Variants in OPCML observed in about 807,000 individuals in gnomAD.
OPCML encodes opioid binding protein/cell adhesion molecule like.
OPCML carries 13 observed loss-of-function variants against 37.8 expected under a neutral mutation model. That is an observed-to-expected ratio of 0.34 (90% confidence interval 0.22 to 0.55). The LOEUF (loss-of-function observed/expected upper bound fraction) is 0.55, where lower values mean the gene tolerates loss of function less well. Among genes scored for constraint, OPCML ranks in the 20% least tolerant of loss-of-function variants. OPCML has a pLI of 0.91. For synonymous variants in OPCML, 176 were observed against 168.8 expected, an observed-to-expected ratio of 1.04 and a Z score of -0.33; for missense variants, 341 against 435.6, an observed-to-expected ratio of 0.78 and a Z score of 1.93.
At chr11:132,764,913 G>C (rs989204910) in intron 2 of OPCML, among the ~76,000 whole-genome samples, 6 of 152,228 alleles carry the variant, frequency 3.9e-5, no homozygotes, top group African/African-American at 1.4e-4. Flanking sequence ...TGCTCTACCA[G>C]GGCTTGTGCA....
chr11:133,003,605 TG>T, intron 1 of OPCML: 1 of 971,272 alleles, frequency 1.0e-6, no homozygotes, highest in African/African-American at 1.8e-5. Flanking sequence ...GGATATTGGC[TG>T]GAGAGTACTT....
At chr11:133,122,583 T>C (rs1949438813) in intron 1 of OPCML, among the ~76,000 whole-genome samples, 1 of 152,156 alleles carries the variant, frequency 6.6e-6, no homozygotes, top group South Asian at 2.1e-4. Flanking sequence ...TGGTTCTTCA[T>C]GAGGAGCGGA....
rs1315280476 is a variant in OPCML, at chr11:132,529,205, GAAGA to G, written c.380-23_380-20del. The G allele has an allele frequency of 6.3e-7, 1 of 1,595,400 alleles. No homozygotes were observed. The highest frequency in any genetic ancestry group is 2.3e-5 in the East Asian group (1 of 44,326). ...GGAGGAACTGTAAGGAAACAGGATA[GAAGA>G]AATACCTGAGAATAATTCTTTGCAC... On this transcript the variant is annotated intron_variant, in intron 3 of 7. Transcript: ENST00000524381.
At chr11:132,579,416 T>TGTGA (rs980583628) in intron 3 of OPCML, among the ~76,000 whole-genome samples, 7 of 148,634 alleles carry the variant, frequency 4.7e-5, no homozygotes, top group African/African-American at 1.2e-4. Context: ...TGTGTGTGTG[T>TGTGA]GATGAGGGAG....
intron 1 of OPCML, among the ~76,000 whole-genome samples, chr11:133,514,631 C>G (rs1404536430): frequency 5.9e-5 from 9 of 152,134 alleles, no homozygotes; most frequent in Non-Finnish European, 1.3e-4. Context: ...TAGGAGACTC[C>G]TTTCTTTTCA....
At chr11:133,168,384 A>G (rs1473112750) in intron 1 of OPCML, among the ~76,000 whole-genome samples, 1 of 152,146 alleles carries the variant, frequency 6.6e-6, no homozygotes, top group Non-Finnish European at 1.5e-5. Context: ...TGATTATGCC[A>G]ATATGGTCCT....
At chr11:133,519,959 G>A (rs1001213172) in intron 1 of OPCML, among the ~76,000 whole-genome samples, 4 of 152,246 alleles carry the variant, frequency 2.6e-5, no homozygotes, top group Middle Eastern at 3.4e-3. Context: ...AAAGCTAGAC[G>A]GTGCCACCTT....
intron 1 of OPCML, among the ~76,000 whole-genome samples, chr11:133,515,337 GGCATTTGGCTGTGTCT>G (rs1948242964): frequency 6.6e-6 from 1 of 152,188 alleles, no homozygotes; most frequent in Admixed American, 6.5e-5. Flanking sequence ...CTCCCCAGGG[GGCATTTGGCTGTGTCT>G]AGAGACATCT....
At chr11:133,128,667 C>A (rs1223474520) in intron 1 of OPCML, among the ~76,000 whole-genome samples, 1 of 152,156 alleles carries the variant, frequency 6.6e-6, no homozygotes, top group Non-Finnish European at 1.5e-5. Context: ...GATGGGAGCT[C>A]TTTGTCTACT....
intron 1 of OPCML, among the ~76,000 whole-genome samples, chr11:133,487,639 A>G (rs1947557731): frequency 6.6e-6 from 1 of 152,162 alleles, no homozygotes; most frequent in Non-Finnish European, 1.5e-5. Flanking sequence ...TTTAAGTCTA[A>G]TAACAGCAGG....
At chr11:133,144,679 C>CA (rs1474397778) in intron 1 of OPCML, among the ~76,000 whole-genome samples, 1 of 152,196 alleles carries the variant, frequency 6.6e-6, no homozygotes. Context: ...CTTGTATATC[C>CA]ATCCTTATCT....
intron 3 of OPCML, among the ~76,000 whole-genome samples, chr11:132,649,085 C>A (rs1275460893): frequency 6.6e-6 from 1 of 151,980 alleles, no homozygotes; most frequent in African/African-American, 2.4e-5. Flanking sequence ...AAGAAACAGA[C>A]AAAACCCATG....
At chr11:132,857,644 T>C (rs1942110973) in intron 2 of OPCML, among the ~76,000 whole-genome samples, 1 of 152,230 alleles carries the variant, frequency 6.6e-6, no homozygotes, top group Non-Finnish European at 1.5e-5. Context: ...GTAGCTGCGT[T>C]CTAAGAAACA....
intron 1 of OPCML, among the ~76,000 whole-genome samples, chr11:133,353,607 C>G (rs1250574874): frequency 1.3e-5 from 2 of 152,162 alleles, no homozygotes; most frequent in Non-Finnish European, 2.9e-5. Flanking sequence ...GCCTCTGGTC[C>G]CTTCTCTCTA....
intron 1 of OPCML, among the ~76,000 whole-genome samples, chr11:133,424,660 C>T (rs944263046): frequency 6.6e-6 from 1 of 152,088 alleles, no homozygotes; most frequent in African/African-American, 2.4e-5. Flanking sequence ...TCTAAAAATG[C>T]CGTGATAAAC....
At chr11:133,116,822 G>C (rs1174801395) in intron 1 of OPCML, among the ~76,000 whole-genome samples, 1 of 128,204 alleles carries the variant, frequency 7.8e-6, no homozygotes, top group Non-Finnish European at 1.7e-5. Context: ...ATATATGTAT[G>C]TATCTTGTTC....
intron 1 of OPCML, among the ~76,000 whole-genome samples, chr11:133,458,741 G>A (rs1257158544): frequency 2.0e-5 from 2 of 100,504 alleles, no homozygotes; most frequent in South Asian, 2.8e-4. Flanking sequence ...ATAGATGCAC[G>A]TGTGTGTATA....
At chr11:132,798,227 T>A (rs1036042832) in intron 2 of OPCML, among the ~76,000 whole-genome samples, 1 of 152,104 alleles carries the variant, frequency 6.6e-6, no homozygotes, top group African/African-American at 2.4e-5. Context: ...TGCACCACCA[T>A]AGCTGGCTAA....
chr11:132,544,874 G>A (rs753377083), intron 3 of OPCML, among the ~76,000 whole-genome samples: 4 of 152,138 alleles, frequency 2.6e-5, no homozygotes, highest in South Asian at 2.1e-4. Flanking sequence ...AACATTTCTC[G>A]CTGTACTCAG....
Sources: gnomAD v4.1 joint callset for allele counts (sites outside exome capture counted in the v4.1 genomes callset) on GRCh38, gnomAD v4.1.1 for gene constraint, MANE v1.5 for transcripts, NCBI Gene and HGNC (gene_info 2026-07-23, HGNC 2026-07-21) for gene names.